Variants in ZNF462 observed in about 807,000 individuals in gnomAD.
ZNF462 encodes the protein zinc finger protein 462.
Under a neutral mutation model 201.9 loss-of-function variants are expected in ZNF462, and 10 were observed. That is an observed-to-expected ratio of 0.05 (90% CI 0.03 to 0.08). The LOEUF (loss-of-function observed/expected upper bound fraction) is 0.08. Among genes scored for constraint, ZNF462 ranks in the 10% least tolerant of loss-of-function variants. ZNF462 has a pLI of 1.00. For missense variants in ZNF462, 2,523 were observed against 3,168.3 expected (o/e 0.80, Z 4.89); for synonymous variants, 1,227 against 1,193.3 (o/e 1.03, Z -0.58).
intron 1 of ZNF462, among the ~76,000 whole-genome samples, chr9:106,906,058 C>G (rs148309142): frequency 2.8e-4 from 43 of 152,186 alleles, no homozygotes; most frequent in African/African-American, 1.0e-3. Flanking sequence ...CCAGTGAGAT[C>G]CCAGGGCCTT....
intron 1 of ZNF462, among the ~76,000 whole-genome samples, chr9:106,921,598 G>T (rs1198243954): frequency 6.6e-6 from 1 of 152,224 alleles, no homozygotes; most frequent in Non-Finnish European, 1.5e-5. Flanking sequence ...ACATTCAGCA[G>T]AGCTGTGGCT....
chr9:106,951,616 C>T (rs1015282406), intron 7 of ZNF462, among the ~76,000 whole-genome samples: 18 of 152,116 alleles, frequency 1.2e-4, no homozygotes, highest in Non-Finnish European at 1.0e-4. Flanking sequence ...GCAGCCCAGC[C>T]GCACAGCACT....
In ZNF462 at chr9:106,924,746, G is replaced by A. The variant is rs2131446774; in HGVS notation, c.834G>A (p.Gln278=). 1 of 1,614,110 alleles carries A rather than the reference G, an allele frequency of 6.2e-7. No homozygotes were observed. Among genetic ancestry groups the A allele is most frequent in the East Asian group, 2.2e-5 (1 of 44,864 alleles). The change falls in exon 3 of 13, where the codon CAG becomes CAA. Residue 278 remains glutamine, a synonymous_variant. Coordinates refer to ENST00000277225, the MANE Select transcript of ZNF462 (RefSeq NM_021224.6). This position sits in a 1 kb window ranked among gnomAD's most constrained non-coding sequence, Gnocchi z 6.2. ...TCAAGATCCTTTCCAGTCTCAGACA[G>A]CAACAAGAAGGAACTAATCTACCTG... ...SMVKILSSLR[Q]QQEGTNLPDV... is the part of the protein sequence containing the mutation.
intron 10 of ZNF462, among the ~76,000 whole-genome samples, chr9:106,997,753 A>G (rs914520587): frequency 7.2e-5 from 11 of 152,242 alleles, no homozygotes; most frequent in African/African-American, 2.6e-4. Flanking sequence ...TGAGTAGACC[A>G]CTTGGTACGT....
In ZNF462 at chr9:106,926,179, C is replaced by T; in HGVS notation, c.2267C>T (p.Ser756Phe). ...ATCATAGAGGTTCCCACTTCCTTTTCTGCCCAACAGATATGGGTAAGAGAT... is the reference window on the plus strand; with the variant it reads ...ATCATAGAGGTTCCCACTTCCTTTTTTGCCCAACAGATATGGGTAAGAGAT... ...EPIIEVPTSF[S>F]AQQIWVRDTS... The change falls in exon 3 of 13, where the codon TCT becomes TTT. Residue 756 changes from serine (S) to phenylalanine (F), a missense_variant. Around this residue, in one of 15 missense-constraint regions of ZNF462, gnomAD observed 383 missense variants for 453.4 expected, o/e 0.84. Coordinates refer to ENST00000277225, the MANE Select transcript of ZNF462 (RefSeq NM_021224.6). The surrounding 1 kb of genome is among the most constrained non-coding windows in gnomAD (Gnocchi z 7.9). 1 of 1,614,190 alleles carries T rather than the reference C, an allele frequency of 6.2e-7. No homozygotes were observed. Among genetic ancestry groups the T allele is most frequent in the Non-Finnish European group, 8.5e-7 (1 of 1,180,034 alleles).
rs369050614 is a variant in ZNF462, at chr9:106,913,667, G to A, written c.-30-9687G>A. 2.2e-4 allele frequency among the ~76,000 whole-genome samples: 30 copies of A among 138,460 alleles called. No individual in the cohort carries two copies. Among genetic ancestry groups the A allele is most frequent in the African/African-American group, 7.4e-4 (30 of 40,496 alleles). The allele number at this position is 138,460 out of a possible 152,430, so 90.8% of individuals were successfully genotyped here. On this transcript the variant is annotated intron_variant, in intron 1 of 12. Coordinates refer to ENST00000277225, the MANE Select transcript of ZNF462 (RefSeq NM_021224.6). This position sits in a 1 kb window ranked among gnomAD's most constrained non-coding sequence, Gnocchi z 4.1. ...GGCTGGAGTGCAGTGGCATGATCTC[G>A]ACTCACTGCAACCTCTGTCTCCCAG...
At chr9:106,976,503 A>G (rs373254102) in intron 9 of ZNF462, 18 of 152,150 alleles carry the variant, frequency 1.2e-4, no homozygotes, top group South Asian at 2.1e-4. Context: ...AGCTGGAATC[A>G]CTCACTCAAA....
Position 106,929,568 on chromosome 9 carries a change from C to G in ZNF462, c.5656C>G (p.Arg1886Gly). 2 of 1,614,202 alleles carry G rather than the reference C, an allele frequency of 1.2e-6. No individual in the cohort carries two copies. The highest frequency in any genetic ancestry group is 1.7e-6 in the Non-Finnish European group (2 of 1,180,042). Residue 1886 changes from arginine to glycine, a missense_variant, in exon 3 of 13, where the codon CGC becomes GGC. Around this residue, in one of 15 missense-constraint regions of ZNF462, gnomAD observed 207 missense variants for 231.6 expected, o/e 0.89. Coordinates refer to ENST00000277225, the MANE Select transcript of ZNF462 (RefSeq NM_021224.6). This position sits in a 1 kb window ranked among gnomAD's most constrained non-coding sequence, Gnocchi z 8.7. ...RDFIILGNGP[R>G]LQNSTYQCKH... ...CTTCATCATTCTGGGCAACGGCCCCCGCTTGCAGAACTCCACCTACCAGTG... is the reference window on the plus strand; with the variant it reads ...CTTCATCATTCTGGGCAACGGCCCCGGCTTGCAGAACTCCACCTACCAGTG...
At chr9:107,004,901 A>G (rs554186173) in intron 11 of ZNF462, among the ~76,000 whole-genome samples, 4 of 152,076 alleles carry the variant, frequency 2.6e-5, no homozygotes, top group African/African-American at 9.6e-5. Flanking sequence ...CCACCATTCT[A>G]CTATCTGCTT....
Position 106,933,154 on chromosome 9 carries a change from T to C in ZNF462, c.6116+605T>C, listed in dbSNP as rs1417968915. ...AGAGGGGTGGTTTTAAGAACAACTT[T>C]TTGTTGCCTTTCTCTTTCAGCCGTG... On this transcript the variant is annotated intron_variant, in intron 5 of 12. Coordinates refer to ENST00000277225, the MANE Select transcript of ZNF462 (RefSeq NM_021224.6). This position sits in a 1 kb window ranked among gnomAD's most constrained non-coding sequence, Gnocchi z 4.3. 6.4e-6 allele frequency: 1 copy of C among 156,502 alleles called. No homozygotes were observed. The highest frequency in any genetic ancestry group is 2.4e-5 in the African/African-American group (1 of 41,472). 9.7% of individuals were successfully genotyped at this position (156,502 alleles called of 1,614,324 possible). A position where few individuals can be genotyped will look rare whatever the true frequency, so the allele number is the denominator to read the frequency against.
chr9:106,952,457 C>T (rs1046559919), intron 7 of ZNF462, among the ~76,000 whole-genome samples: 1 of 152,186 alleles, frequency 6.6e-6, no homozygotes, highest in Non-Finnish European at 1.5e-5. Flanking sequence ...AAAAATTTCA[C>T]ATCTAGCCTC....
Position 106,963,176 on chromosome 9 carries a change from C to T in ZNF462, c.6428-8829C>T, listed in dbSNP as rs147123325. On this transcript the variant is annotated intron_variant, in intron 7 of 12. Transcript: ENST00000277225. The surrounding 1 kb of genome is among the most constrained non-coding windows in gnomAD (Gnocchi z 4.7). Reference sequence around the variant, plus strand: ...GTTTCTCTGGATACCAAATTCTGCTCAGTGTTAACAGCACTTGAGAAACAG... The same window carrying T: ...GTTTCTCTGGATACCAAATTCTGCTTAGTGTTAACAGCACTTGAGAAACAG... Among the ~76,000 whole-genome samples, 15 of 152,062 alleles carry T rather than the reference C, an allele frequency of 9.9e-5. No individual in the cohort carries two copies. The highest frequency in any genetic ancestry group is 2.1e-4 in the South Asian group (1 of 4,834).
At position 106,919,538 on chromosome 9, in the gene ZNF462, G is replaced by T. The variant is rs1829905261; in HGVS notation, c.-30-3816G>T. On this transcript the variant is annotated intron_variant, in intron 1 of 12. Coordinates refer to ENST00000277225, the MANE Select transcript of ZNF462 (RefSeq NM_021224.6). The surrounding 1 kb of genome is among the most constrained non-coding windows in gnomAD (Gnocchi z 4.5). ...GTTTCAAATCTTTGACATCATCTCT[G>T]GATGTTCTTTATATCTTAAAGAGTT... 6.6e-6 allele frequency among the ~76,000 whole-genome samples: 1 copy of T among 152,164 alleles called. No homozygotes were observed. The highest frequency in any genetic ancestry group is 2.4e-5 in the African/African-American group (1 of 41,436).
intron 1 of ZNF462, among the ~76,000 whole-genome samples, chr9:106,907,399 A>G (rs1238399476): frequency 6.6e-6 from 1 of 152,020 alleles, no homozygotes; most frequent in African/African-American, 2.4e-5. Context: ...TAGGTTGGCT[A>G]TTTGACTGTT....
intron 7 of ZNF462, among the ~76,000 whole-genome samples, chr9:106,945,851 A>T (rs1191837430): frequency 1.3e-5 from 2 of 152,240 alleles, no homozygotes; most frequent in Non-Finnish European, 2.9e-5. Context: ...ATCTACAGGG[A>T]TTAAATGTTA....
In ZNF462 at chr9:107,011,068, A is replaced by G. The variant is rs772950663; in HGVS notation, c.*38A>G. 2 of 1,602,692 alleles carry G rather than the reference A, an allele frequency of 1.2e-6. No homozygotes were observed. Among genetic ancestry groups the G allele is most frequent in the South Asian group, 1.1e-5 (1 of 90,538 alleles). ...ATTCTTAATCAAACCTTACTTGAAC[A>G]GTGATGAAAAAGTGGGAGGGCTGGC... On this transcript the variant is annotated 3_prime_UTR_variant, in exon 13 of 13. Transcript: ENST00000277225. This position sits in a 1 kb window ranked among gnomAD's most constrained non-coding sequence, Gnocchi z 5.6.
In ZNF462 at chr9:106,917,131, C is replaced by T. The variant is rs1214155647; in HGVS notation, c.-30-6223C>T. 6.6e-6 allele frequency among the ~76,000 whole-genome samples: 1 copy of T among 152,194 alleles called. No homozygotes were observed. Among genetic ancestry groups the T allele is most frequent in the Non-Finnish European group, 1.5e-5 (1 of 68,036 alleles). ...ATGTAGTATCTCTTTCTGTATGAGA[C>T]ACTTACTACCTGCTTTCATAACAGG... On this transcript the variant is annotated intron_variant, in intron 1 of 12. Coordinates refer to ENST00000277225, the MANE Select transcript of ZNF462 (RefSeq NM_021224.6). This position sits in a 1 kb window ranked among gnomAD's most constrained non-coding sequence, Gnocchi z 4.5.
rs1349011181 is a variant in ZNF462, at chr9:106,963,529, T to G, written c.6428-8476T>G. On this transcript the variant is annotated intron_variant, in intron 7 of 12. Coordinates refer to ENST00000277225, the MANE Select transcript of ZNF462 (RefSeq NM_021224.6). The surrounding 1 kb of genome is among the most constrained non-coding windows in gnomAD (Gnocchi z 4.7). Reference sequence around the variant, plus strand: ...ATTTCAGATTGACAGGAACAATGCCTTGTGTGCCTGTATAGCACGGCTGTC... The same window carrying G: ...ATTTCAGATTGACAGGAACAATGCCGTGTGTGCCTGTATAGCACGGCTGTC... 2.0e-5 allele frequency among the ~76,000 whole-genome samples: 3 copies of G among 152,056 alleles called. No individual in the cohort carries two copies. The highest frequency in any genetic ancestry group is 2.0e-4 in the Admixed American group (3 of 15,228).
Position 107,010,121 on chromosome 9 carries a change from G to A in ZNF462, c.7313+453G>A, listed in dbSNP as rs1266009824. ...CTGCCTGCCTCCCAGGTAGGTGAGAGCATACTTGTAAAATACTTATGAGAT... is the reference window on the plus strand; with the variant it reads ...CTGCCTGCCTCCCAGGTAGGTGAGAACATACTTGTAAAATACTTATGAGAT... On this transcript the variant is annotated intron_variant, in intron 12 of 12. Coordinates refer to ENST00000277225, the MANE Select transcript of ZNF462 (RefSeq NM_021224.6). This position sits in a 1 kb window ranked among gnomAD's most constrained non-coding sequence, Gnocchi z 4.6. Among the ~76,000 whole-genome samples, 2 of 152,192 alleles carry A rather than the reference G, an allele frequency of 1.3e-5. No homozygotes were observed. The highest frequency in any genetic ancestry group is 3.9e-4 in the East Asian group (2 of 5,168).
Sources: allele counts gnomAD v4.1 joint callset (sites outside exome capture counted in the v4.1 genomes callset), GRCh38; gene constraint gnomAD v4.1.1; regional missense constraint gnomAD v4.1.1; non-coding constraint Gnocchi (gnomAD v3.1); transcripts MANE v1.5; gene names NCBI Gene and HGNC (gene_info 2026-07-23, HGNC 2026-07-21).